CDK10: variants seen among roughly 807,000 people sequenced by gnomAD.
CDK10 encodes the protein cyclin-dependent kinase 10.
CDK10 carries 55 observed loss-of-function variants against 51.0 expected under a neutral mutation model. That is an observed-to-expected ratio of 1.08 (90% confidence interval 0.87 to 1.35). The LOEUF is 1.35. Ranked by LOEUF, CDK10 falls within the 40% of genes most tolerant of loss-of-function variation. The pLI is 0.00. For missense variants in CDK10, 589 were observed against 485.1 expected (o/e 1.21, Z -2.01); for synonymous variants, 255 against 199.1 (o/e 1.28, Z -2.36).
intron 1 of CDK10, chr16:89,687,492 A>T (rs763151201): frequency 8.8e-6 from 4 of 456,230 alleles, no homozygotes; most frequent in South Asian, 6.2e-5. Flanking sequence ...ACTCATCCAG[A>T]CGTGCAGCAG....
At position 89,693,319 on chromosome 16, in the gene CDK10, G is replaced by A. The variant is rs976845093; in HGVS notation, c.531G>A (p.Val177=). 6.2e-7 allele frequency: 1 copy of A among 1,614,170 alleles called. No homozygotes were observed. The highest frequency in any genetic ancestry group is 8.5e-7 in the Non-Finnish European group (1 of 1,180,036). The change falls in exon 7 of 13, where the codon GTG becomes GTA. Residue 177 remains valine, a synonymous_variant. Transcript: ENST00000353379. Reference sequence around the variant, plus strand: ...TGCTCATGACCGACAAGGGTTGTGTGAAGACAGGTGGGTGCAACTTGGGCC... The same window carrying A: ...TGCTCATGACCGACAAGGGTTGTGTAAAGACAGGTGGGTGCAACTTGGGCC... The part of the protein sequence containing the change: ...SNLLMTDKGC[V]KTADFGLARA...
intron 1 of CDK10, chr16:89,687,367 C>G (rs2060239671): frequency 7.0e-6 from 3 of 429,300 alleles, no homozygotes; most frequent in African/African-American, 4.0e-5. Context: ...GAGCCCTGAA[C>G]TTTGGCCGCT....
chr16:89,693,542 C>G (rs371915073), intron 8 of CDK10, 75 bp downstream of exon 8: 2 of 1,455,924 alleles, frequency 1.4e-6, no homozygotes, highest in East Asian at 4.5e-5. Context: ...GATGTCAGGC[C>G]GAAGCTGCAA....
At chr16:89,693,918 G>A in intron 8 of CDK10, 4 of 594,562 alleles carry the variant, frequency 6.7e-6, no homozygotes, top group Middle Eastern at 4.5e-4. Flanking sequence ...GAACGGGTTG[G>A]TAGTGGCTGG....
In CDK10 at chr16:89,695,911, C is replaced by A; in HGVS notation, c.*219C>A. The stretch of plus-strand genomic sequence containing the variant: ...CCGGGGGGCTCCCAGCCCGTGCACC[C>A]TGGAAGGGCAGGTCTGGCGGCTCCA... On this transcript the variant is annotated 3_prime_UTR_variant, in exon 13 of 13. Transcript: ENST00000353379. The A allele has an allele frequency of 1.0e-6, 1 of 1,000,332 alleles. No homozygotes were observed. The highest frequency in any genetic ancestry group is 1.5e-6 in the Non-Finnish European group (1 of 670,332). 62.0% of individuals were successfully genotyped at this position (1,000,332 alleles called of 1,614,324 possible). A position where few individuals can be genotyped will look rare whatever the true frequency, so the allele number is the denominator to read the frequency against.
rs1175628185 is a variant in CDK10, at chr16:89,696,072, G to A, written c.*380G>A. 2.6e-5 allele frequency: 14 copies of A among 544,486 alleles called. No homozygotes were observed. The highest frequency in any genetic ancestry group is 2.0e-4 in the South Asian group (10 of 48,998). The allele number at this position is 544,486 out of a possible 1,614,324, so 33.7% of individuals were successfully genotyped here. The stretch of plus-strand genomic sequence containing the variant: ...GTGGACGCTGGCCTGGGATGAGAGG[G>A]CCCAGAAGACCTTCGTATCCCCTCT... On this transcript the variant is annotated 3_prime_UTR_variant, in exon 13 of 13. Coordinates refer to ENST00000353379, the MANE Select transcript of CDK10 (RefSeq NM_052988.5).
chr16:89,694,059 C>T (rs1465373198), intron 8 of CDK10, 114 bp from the exon 9 acceptor site: 13 of 1,034,720 alleles, frequency 1.3e-5, no homozygotes, highest in East Asian at 2.5e-5. Context: ...GAGGGTGGTC[C>T]GAGTTGGGAC....
In CDK10 at chr16:89,695,059, C is replaced by T. The variant is rs746006476; in HGVS notation, c.921C>T (p.Asp307=). The T allele has an allele frequency of 8.1e-6, 13 of 1,612,762 alleles. No individual in the cohort carries two copies. In the African/African-American group the frequency reaches 1.2e-4, roughly 15 times the overall value. The change falls in exon 11 of 13, where the codon GAC becomes GAT. Residue 307 remains aspartate, a synonymous_variant. Transcript: ENST00000353379. Reference sequence around the variant, plus strand: ...TGCTGCACTTCCTGTTCATGTACGACCCTAAGAAAAGGTGCTGATCTCTGC... The same window carrying T: ...TGCTGCACTTCCTGTTCATGTACGATCCTAAGAAAAGGTGCTGATCTCTGC... The part of the protein sequence containing the change: ...LRLLHFLFMY[D]PKKRATAGDC...
intron 1 of CDK10, chr16:89,687,381 TTG>T (rs371572783): frequency 2.1e-5 from 9 of 436,674 alleles, no homozygotes; most frequent in African/African-American, 1.6e-4. Context: ...GGCCGCTGGT[TTG>T]TGTTTTTAAC....
chr16:89,695,457 C>T (rs1046279402), intron 12 of CDK10, 112 bp downstream of exon 12: 19 of 1,478,416 alleles, frequency 1.3e-5, no homozygotes, highest in East Asian at 2.3e-5. Context: ...CACACCCTTT[C>T]TGGGGTAAGA....
Position 89,689,252 on chromosome 16 carries a change from C to A in CDK10, c.88C>A (p.Leu30Met). Residue 30 changes from leucine (L) to methionine (M), a missense_variant and splice_region_variant, in exon 2 of 13, where the codon CTG becomes ATG. Transcript: ENST00000353379. ...CACTGGCAACACCCTTCTGTTTCAGCTGGGACGATGCCGGAGTGTGAAGGA... is the reference window on the plus strand; with the variant it reads ...CACTGGCAACACCCTTCTGTTTCAGATGGGACGATGCCGGAGTGTGAAGGA... ...GFFTVPPEHR[L>M]GRCRSVKEFE... The A allele has an allele frequency of 6.2e-7, 1 of 1,614,008 alleles. No individual in the cohort carries two copies.
At chr16:89,694,381 C>T (rs1293323021) in intron 9 of CDK10, 149 bp downstream of exon 9, 4 of 932,370 alleles carry the variant, frequency 4.3e-6, no homozygotes, top group Non-Finnish European at 6.7e-6. Context: ...TGGGCCTGAG[C>T]CTGGAAACCC....
chr16:89,693,310 G>C lies in CDK10; in HGVS notation c.522G>C (p.Lys174Asn), dbSNP rs775505410. ...TTTCCAACTTGCTCATGACCGACAA[G>C]GGTTGTGTGAAGACAGGTGGGTGCA... Reference protein sequence around the residue: ...LKVSNLLMTDKGCVKTADFGL... With the variant: ...LKVSNLLMTDNGCVKTADFGL... The change falls in exon 7 of 13, where the codon AAG (lysine) becomes AAC (asparagine). Residue 174 changes from lysine to asparagine, a missense_variant. Physicochemically the swap from Lys to Asn is moderately conservative, Grantham distance 94 (BLOSUM62 0). Transcript: ENST00000353379. 35 of 1,614,160 alleles carry C rather than the reference G, an allele frequency of 2.2e-5. No homozygotes were observed. The highest frequency in any genetic ancestry group is 2.8e-5 in the Non-Finnish European group (33 of 1,180,032).
rs1159501552 is a variant in CDK10 at position 89,691,812 on chromosome 16, C to A, written c.342C>A (p.Phe114Leu). The A allele has an allele frequency of 6.2e-7, 1 of 1,613,942 alleles. No homozygotes were observed. The highest frequency in any genetic ancestry group is 8.5e-7 in the Non-Finnish European group (1 of 1,179,902). ...VVVGNHLESI[F>L]LVMGYCEQDL... ...CATCTTCTGTTTCTTCCAGCATCTT[C>A]CTGGTGATGGGTTACTGTGAGCAGG... Residue 114 changes from phenylalanine (F) to leucine (L), a missense_variant, in exon 5 of 13, where the codon TTC becomes TTA. Phe to Leu is a conservative substitution (Grantham distance 22). Coordinates refer to ENST00000353379, the MANE Select transcript of CDK10 (RefSeq NM_052988.5).
At chr16:89,693,814 C>G (rs960539547) in intron 8 of CDK10, 12 of 543,158 alleles carry the variant, frequency 2.2e-5, no homozygotes, top group Non-Finnish European at 4.0e-5. Flanking sequence ...CTCCTGGATA[C>G]TTTTAACCAA....
chr16:89,695,182 C>T (rs564485825), intron 11 of CDK10, 111 bp from the exon 12 acceptor site: 20 of 1,535,520 alleles, frequency 1.3e-5, no homozygotes, highest in African/African-American at 2.7e-5. Flanking sequence ...CACAGCCGCT[C>T]GGAGTGGCCA....
At position 89,693,435 on chromosome 16, in the gene CDK10, A is replaced by G. The variant is rs370174121; in HGVS notation, c.576A>G (p.Val192=). Residue 192 remains valine, a synonymous_variant, in exon 8 of 13, where the codon GTA becomes GTG. Coordinates refer to ENST00000353379, the MANE Select transcript of CDK10 (RefSeq NM_052988.5). ...FGLARAYGVP[V]KPMTPKVVTL... The stretch of plus-strand genomic sequence containing the variant: ...TGGCCCGGGCCTATGGTGTCCCAGT[A>G]AAGCCAATGACCCCCAAGGTGGTCA... 2.5e-6 allele frequency: 4 copies of G among 1,614,044 alleles called. No homozygotes were observed. Among genetic ancestry groups the G allele is most frequent in the African/African-American group, 1.3e-5 (1 of 74,938 alleles).
At position 89,696,167 on chromosome 16, in the gene CDK10, AT is replaced by A. The variant is rs1217139880; in HGVS notation, c.*476del. On this transcript the variant is annotated 3_prime_UTR_variant, in exon 13 of 13. Transcript: ENST00000353379. ...CCAGGTGGGCCTGGCAGGACTCCAG[AT>A]GAGGACAAGAGGGACAAGGTATGGG... 1 of 378,878 alleles carries A rather than the reference AT, an allele frequency of 2.6e-6. No homozygotes were observed. Among genetic ancestry groups the A allele is most frequent in the Non-Finnish European group, 5.0e-6 (1 of 199,256 alleles). The allele number at this position is 378,878 out of a possible 1,614,324, so 23.5% of individuals were successfully genotyped here.
At position 89,691,816 on chromosome 16, in the gene CDK10, G is replaced by C; in HGVS notation, c.346G>C (p.Val116Leu). 1.2e-6 allele frequency: 2 copies of C among 1,614,000 alleles called. No individual in the cohort carries two copies. The highest frequency in any genetic ancestry group is 2.2e-5 in the South Asian group (2 of 91,078). The part of the protein sequence containing the change: ...VGNHLESIFL[V>L]MGYCEQDLAS... The stretch of plus-strand genomic sequence containing the variant: ...TTCTGTTTCTTCCAGCATCTTCCTG[G>C]TGATGGGTTACTGTGAGCAGGACCT... Residue 116 changes from valine (V) to leucine (L), a missense_variant, in exon 5 of 13, where the codon GTG becomes CTG. Coordinates refer to ENST00000353379, the MANE Select transcript of CDK10 (RefSeq NM_052988.5).
Sources: gnomAD v4.1 joint callset for allele counts on GRCh38, gnomAD v4.1.1 for gene constraint, MANE v1.5 for transcripts, NCBI Gene and HGNC (gene_info 2026-07-23, HGNC 2026-07-21) for gene names.